Variants in WASF3 observed in about 807,000 individuals in gnomAD.
WASF3 encodes WASP family member 3, also known as actin-binding protein WASF3.
WASF3 carries 11 observed loss-of-function variants against 46.6 expected under a neutral mutation model. The ratio of observed to expected loss-of-function variants is 0.24; its 90% CI spans 0.15 to 0.39. The LOEUF is 0.39. WASF3 is among the 10% of genes least tolerant of loss of function. The pLI, the probability that WASF3 is intolerant of heterozygous loss-of-function variation, is 1.00. For synonymous variants in WASF3, 242 were observed against 259.7 expected, an observed-to-expected ratio of 0.93 and a Z score of 0.65; for missense variants, 576 against 669.8, an observed-to-expected ratio of 0.86 and a Z score of 1.55.
At chr13:26,559,574 C>A (rs2137133795) in intron 1 of WASF3, among the ~76,000 whole-genome samples, 1 of 152,192 alleles carries the variant, frequency 6.6e-6, no homozygotes, top group Admixed American at 6.5e-5. Flanking sequence ...CCCATAGAAA[C>A]CTATGTATGG....
chr13:26,618,261 A>G (rs1180311897), intron 2 of WASF3, among the ~76,000 whole-genome samples: 1 of 152,184 alleles, frequency 6.6e-6, no homozygotes, highest in Non-Finnish European at 1.5e-5. Flanking sequence ...TTATTTATAT[A>G]TCCAGTATCT....
At chr13:26,604,725 CAGAGAAAAATACAA>C (rs1308023717) in intron 1 of WASF3, among the ~76,000 whole-genome samples, 1 of 152,092 alleles carries the variant, frequency 6.6e-6, no homozygotes, top group Non-Finnish European at 1.5e-5. Flanking sequence ...GTAATTAAAG[CAGAGAAAAATACAA>C]AGTAGTTTGG....
chr13:26,678,807 C>G (rs1883140867), intron 7 of WASF3, among the ~76,000 whole-genome samples: 1 of 152,178 alleles, frequency 6.6e-6, no homozygotes, highest in Non-Finnish European at 1.5e-5. Flanking sequence ...CTTGTTTTTT[C>G]TCATCCAGTT....
rs373736425 is a variant in WASF3 at position 26,667,593 on chromosome 13, C to G, written c.345C>G (p.Asn115Lys). 60 of 1,614,000 alleles carry G rather than the reference C, an allele frequency of 3.7e-5. No homozygotes were observed. In the African/African-American group the frequency reaches 7.1e-4, roughly 19 times the overall value. The change falls in exon 5 of 10, where the codon AAC (asparagine) becomes AAG (lysine). Residue 115 changes from asparagine to lysine, a missense_variant. Around this residue, in one of 3 missense-constraint regions of WASF3, gnomAD observed 213 missense variants for 278.0 expected, o/e 0.77. Transcript: ENST00000335327. ...TVQDQQVVSKNSIPNPVADIY... is the reference protein window; with the variant it reads ...TVQDQQVVSKKSIPNPVADIY... ...AAGACCAGCAAGTGGTTTCAAAGAA[C>G]AGCATTCCTAATCCTGTTGCTGATA...
At chr13:26,544,451 A>G in the WASF3 span, among the ~76,000 whole-genome samples, 1 of 152,174 alleles carries the variant, frequency 6.6e-6, no homozygotes, top group Admixed American at 6.5e-5. Flanking sequence ...CTGCACAAAC[A>G]TGGGGTCAGT....
At position 26,681,249 on chromosome 13, in the gene WASF3, GC is replaced by G. The variant is rs756173793; in HGVS notation, c.920del (p.Pro307ArgfsTer28). On this transcript the variant is annotated frameshift_variant, in exon 8 of 10. Transcript: ENST00000335327. LOFTEE classifies it high-confidence loss of function. ...HMALNRPQQP[P>X]PPPPPQAPEG... The stretch of plus-strand genomic sequence containing the variant: ...TGGCCCTCAACAGACCTCAGCAGCC[GC>G]CCCCCCCGCCTCCCCCTCAGGCCCC... 16 of 1,609,608 alleles carry G rather than the reference GC, an allele frequency of 9.9e-6. No homozygotes were observed. The highest frequency in any genetic ancestry group is 1.2e-5 in the Non-Finnish European group (14 of 1,177,814).
At position 26,682,594 on chromosome 13, in the gene WASF3, A is replaced by C; in HGVS notation, c.984-13A>C. 6.2e-7 allele frequency: 1 copy of C among 1,614,016 alleles called. No individual in the cohort carries two copies. Among genetic ancestry groups the C allele is most frequent in the Non-Finnish European group, 8.5e-7 (1 of 1,179,976 alleles). On this transcript the variant is annotated splice_polypyrimidine_tract_variant and intron_variant, in intron 8 of 9. Coordinates refer to ENST00000335327, the MANE Select transcript of WASF3 (RefSeq NM_006646.6). This position sits in a 1 kb window ranked among gnomAD's most constrained non-coding sequence, Gnocchi z 4.4. ...TGTTCCCTTGGTGACTATGTGCCTC[A>C]TATCTCTCTCAGGATGCTCCCAGCG...
chr13:26,665,102 C>CAA lies in WASF3; in HGVS notation c.209_210dup (p.Asp71LysfsTer28). ...CTTCTACATCAGAGCAAATTCTCTTCAAGACAGAATTGATCGCCTTGCTGT... is the reference window on the plus strand; with the variant it reads ...CTTCTACATCAGAGCAAATTCTCTTCAAAAGACAGAATTGATCGCCTTGCTGT... On this transcript the variant is annotated frameshift_variant, in exon 4 of 10. Coordinates refer to ENST00000335327, the MANE Select transcript of WASF3 (RefSeq NM_006646.6). LOFTEE classifies it high-confidence loss of function. The CAA allele has an allele frequency of 6.2e-7, 1 of 1,614,134 alleles. No homozygotes were observed. Among genetic ancestry groups the CAA allele is most frequent in the Non-Finnish European group, 8.5e-7 (1 of 1,179,990 alleles).
intron 2 of WASF3, among the ~76,000 whole-genome samples, chr13:26,623,467 C>T (rs1593154327): frequency 6.6e-6 from 1 of 152,286 alleles, no homozygotes; most frequent in African/African-American, 2.4e-5. Flanking sequence ...TGCCCTGTGA[C>T]CAGCAAGATC....
intron 1 of WASF3, among the ~76,000 whole-genome samples, chr13:26,588,253 A>G (rs532101266): frequency 6.6e-6 from 1 of 152,364 alleles, no homozygotes; most frequent in South Asian, 2.1e-4. Flanking sequence ...TGAAAAATTC[A>G]GAGTGGGAGT....
At position 26,679,041 on chromosome 13, in the gene WASF3, C is replaced by T. The variant is rs560737793; in HGVS notation, c.717-2013C>T. On this transcript the variant is annotated intron_variant, in intron 7 of 9. Coordinates refer to ENST00000335327, the MANE Select transcript of WASF3 (RefSeq NM_006646.6). The surrounding 1 kb of genome is among the most constrained non-coding windows in gnomAD (Gnocchi z 4.8). ...CGGTGTCATCTCCGGCCCTCCCGGC[C>T]CTCCTCCTCCCATCGTCCCCGGCCC... Among the ~76,000 whole-genome samples, 1 of 150,898 alleles carries T rather than the reference C, an allele frequency of 6.6e-6. No individual in the cohort carries two copies. Among genetic ancestry groups the T allele is most frequent in the East Asian group, 1.9e-4 (1 of 5,134 alleles).
intron 2 of WASF3, among the ~76,000 whole-genome samples, chr13:26,627,588 G>C (rs980522414): frequency 6.6e-6 from 1 of 152,092 alleles, no homozygotes; most frequent in African/African-American, 2.4e-5. Context: ...AAATGTGGTA[G>C]GTGTTGTAGT....
chr13:26,677,293 A>G (rs1883095180), intron 7 of WASF3, among the ~76,000 whole-genome samples: 1 of 152,264 alleles, frequency 6.6e-6, no homozygotes, highest in South Asian at 2.1e-4. Flanking sequence ...TATTTCTTGC[A>G]GGCGTGAATG....
chr13:26,650,678 C>T (rs374789564), intron 3 of WASF3, among the ~76,000 whole-genome samples: 1 of 152,102 alleles, frequency 6.6e-6, no homozygotes, highest in South Asian at 2.1e-4. Flanking sequence ...GCAGTTTCAG[C>T]AGAGAAATGG....
chr13:26,557,319 C>G (rs1236631137), upstream of WASF3, among the ~76,000 whole-genome samples: 1 of 152,210 alleles, frequency 6.6e-6, no homozygotes, highest in Non-Finnish European at 1.5e-5. Flanking sequence ...CAGGAGCCCT[C>G]AACACCCAGG....
intron 2 of WASF3, among the ~76,000 whole-genome samples, chr13:26,615,059 G>C (rs1351355298): frequency 6.6e-6 from 1 of 152,008 alleles, no homozygotes; most frequent in Non-Finnish European, 1.5e-5. Context: ...GTTGGTGTTT[G>C]TATTATGCCC....
chr13:26,557,634 C>A (rs574666987), upstream of WASF3: 2 of 157,756 alleles, frequency 1.3e-5, no homozygotes, highest in South Asian at 2.0e-4. Context: ...CTGAGCCCCC[C>A]TCCTGCTCCG....
intron 6 of WASF3, among the ~76,000 whole-genome samples, chr13:26,676,176 G>T (rs1593184717): frequency 6.6e-6 from 1 of 152,312 alleles, no homozygotes; most frequent in South Asian, 2.1e-4. Context: ...AAATTGTGTG[G>T]TGGCGGGAAA....
chr13:26,609,174 C>T (rs903967902), intron 1 of WASF3, among the ~76,000 whole-genome samples: 3 of 152,100 alleles, frequency 2.0e-5, no homozygotes, highest in African/African-American at 7.2e-5. Context: ...TTTCATGTAG[C>T]AGAATTCTTT....
Sources: gnomAD v4.1 joint callset for allele counts (sites outside exome capture counted in the v4.1 genomes callset) on GRCh38, gnomAD v4.1.1 for gene constraint, gnomAD v4.1.1 regional missense constraint, Gnocchi (gnomAD v3.1) non-coding constraint, MANE v1.5 for transcripts, NCBI Gene and HGNC (gene_info 2026-07-23, HGNC 2026-07-21) for gene names.